The following FUT8 variants were observed in gnomAD, a reference collection of about 807,000 sequenced individuals.
The protein encoded by FUT8 is fucosyltransferase 8.
Under a neutral mutation model 71.3 loss-of-function variants are expected in FUT8, and 29 were observed. That is an observed-to-expected ratio of 0.41 (90% confidence interval 0.30 to 0.55). The LOEUF (loss-of-function observed/expected upper bound fraction) is 0.55, where lower values mean the gene tolerates loss of function less well. Among genes scored for constraint, FUT8 ranks in the 20% least tolerant of loss-of-function variants. The pLI is 0.34. For missense variants in FUT8, 544 were observed against 702.1 expected, an observed-to-expected ratio of 0.77 and a Z score of 2.55; for synonymous variants, 254 against 239.3, an observed-to-expected ratio of 1.06 and a Z score of -0.57.
At chr14:65,605,929 T>A (rs772184725) in intron 3 of FUT8, among the ~76,000 whole-genome samples, 4 of 151,926 alleles carry the variant, frequency 2.6e-5, no homozygotes, top group Non-Finnish European at 4.4e-5. Context: ...TACATTTTTC[T>A]ATTACATTGC....
intron 3 of FUT8, among the ~76,000 whole-genome samples, chr14:65,576,761 C>T (rs1051691541): frequency 8.0e-6 from 1 of 125,374 alleles, no homozygotes; most frequent in African/African-American, 3.3e-5. Context: ...GCTTTTGTCG[C>T]CAGGATGGAG....
intron 7 of FUT8, among the ~76,000 whole-genome samples, chr14:65,678,581 T>C (rs906420860): frequency 2.6e-5 from 4 of 152,298 alleles, no homozygotes; most frequent in African/African-American, 9.6e-5. Context: ...AGGGGGGTAC[T>C]AGGAATAAAC....
intron 6 of FUT8, among the ~76,000 whole-genome samples, chr14:65,654,588 C>T (rs909418653): frequency 2.2e-4 from 7 of 31,978 alleles, no homozygotes; most frequent in African/African-American, 7.0e-4. Context: ...AAGATTCTGT[C>T]TCCAAAAAAA....
chr14:65,487,445 C>G (rs898123618), intron 2 of FUT8, among the ~76,000 whole-genome samples: 4 of 151,708 alleles, frequency 2.6e-5, no homozygotes, highest in African/African-American at 9.7e-5. Flanking sequence ...TGCCTGTAAT[C>G]CAAGCTACTC....
rs982320917 is a variant in FUT8, at chr14:65,550,079, A to G, written c.-227-11258A>G. The stretch of plus-strand genomic sequence containing the variant: ...CTGTCTAAAAACAAAACAAAACAAA[A>G]CAAAAAAGTTTACTTGGTTCCCAGC... On this transcript the variant is annotated intron_variant, in intron 2 of 10. Coordinates refer to ENST00000673929, the MANE Select transcript of FUT8 (RefSeq NM_001371533.1). This position sits in a 1 kb window ranked among gnomAD's most constrained non-coding sequence, Gnocchi z 4.5. Among the ~76,000 whole-genome samples the G allele has an allele frequency of 6.6e-6, 1 of 152,000 alleles. No homozygotes were observed. The highest frequency in any genetic ancestry group is 1.5e-5 in the Non-Finnish European group (1 of 67,992).
chr14:65,689,345 G>A (rs1212153189), intron 7 of FUT8, among the ~76,000 whole-genome samples: 8 of 151,984 alleles, frequency 5.3e-5, no homozygotes, highest in Admixed American at 4.6e-4. Context: ...TTTTATAATT[G>A]GGTTGTTAGC....
intron 2 of FUT8, among the ~76,000 whole-genome samples, chr14:65,463,896 T>C (rs536083395): frequency 4.1e-4 from 62 of 152,358 alleles, no homozygotes; most frequent in African/African-American, 1.4e-3. Flanking sequence ...TTCACTTTTA[T>C]GGTGTATAGT....
intron 2 of FUT8, among the ~76,000 whole-genome samples, chr14:65,519,968 C>T (rs972607887): frequency 2.0e-5 from 3 of 151,812 alleles, no homozygotes; most frequent in Non-Finnish European, 2.9e-5. Flanking sequence ...TTGTAGAGGC[C>T]GGGTTTTGCC....
At chr14:65,429,244 A>C (rs2065432799) in intron 1 of FUT8, among the ~76,000 whole-genome samples, 1 of 152,206 alleles carries the variant, frequency 6.6e-6, no homozygotes, top group Non-Finnish European at 1.5e-5. Flanking sequence ...AGAAACCTTC[A>C]GGGCTTGTTA....
intron 6 of FUT8, among the ~76,000 whole-genome samples, chr14:65,639,501 C>G (rs1419725898): frequency 8.9e-6 from 1 of 112,456 alleles, no homozygotes; most frequent in Non-Finnish European, 1.9e-5. Flanking sequence ...GTATTGTCTT[C>G]AAATCCAGAC....
chr14:65,551,829 T>A (rs1022585102), intron 2 of FUT8, among the ~76,000 whole-genome samples: 1 of 152,216 alleles, frequency 6.6e-6, no homozygotes, highest in Non-Finnish European at 1.5e-5. Context: ...GTTATCGTAA[T>A]CATTGTAAAT....
chr14:65,482,649 G>T (rs867520893), intron 2 of FUT8, among the ~76,000 whole-genome samples: 2 of 152,102 alleles, frequency 1.3e-5, no homozygotes, highest in East Asian at 3.9e-4. Flanking sequence ...ATCGGGTCAC[G>T]TTAACCCATA....
intron 1 of FUT8, among the ~76,000 whole-genome samples, chr14:65,424,001 T>C (rs1317131502): frequency 6.6e-6 from 1 of 152,206 alleles, no homozygotes; most frequent in Non-Finnish European, 1.5e-5. Context: ...CAATCTACAG[T>C]ACGTATCAAG....
intron 1 of FUT8, among the ~76,000 whole-genome samples, chr14:65,432,280 G>A (rs1161311552): frequency 2.0e-5 from 3 of 152,044 alleles, no homozygotes; most frequent in African/African-American, 7.3e-5. Flanking sequence ...TATACTGTAA[G>A]TTCCTGAACG....
chr14:65,652,999 G>A lies in FUT8; in HGVS notation c.598-16244G>A, dbSNP rs1307115092. Among the ~76,000 whole-genome samples the A allele has an allele frequency of 6.6e-6, 1 of 152,186 alleles. No homozygotes were observed. The highest frequency in any genetic ancestry group is 1.5e-5 in the Non-Finnish European group (1 of 68,036). On this transcript the variant is annotated intron_variant, in intron 6 of 10. Transcript: ENST00000673929. This position sits in a 1 kb window ranked among gnomAD's most constrained non-coding sequence, Gnocchi z 4.0. ...TTACAAGGTAGCTGAGGGCTCCAAAGGTAGTCACTTCAAGAGGCAGAGATA... is the reference window on the plus strand; with the variant it reads ...TTACAAGGTAGCTGAGGGCTCCAAAAGTAGTCACTTCAAGAGGCAGAGATA...
At chr14:65,702,140 G>T (rs1292920239) in intron 7 of FUT8, among the ~76,000 whole-genome samples, 1 of 152,168 alleles carries the variant, frequency 6.6e-6, no homozygotes, top group Non-Finnish European at 1.5e-5. Context: ...GAGGTTGGGA[G>T]TTCAAGACCA....
chr14:65,580,543 A>G (rs61417186), intron 3 of FUT8, among the ~76,000 whole-genome samples: 2,057 of 152,142 alleles, frequency 0.014, 39 homozygotes, highest in East Asian at 0.093. Flanking sequence ...GCACATACAA[A>G]CACACATGGA....
intron 6 of FUT8, among the ~76,000 whole-genome samples, chr14:65,648,394 T>G (rs1462695816): frequency 6.6e-6 from 1 of 152,248 alleles, no homozygotes; most frequent in Non-Finnish European, 1.5e-5. Context: ...TATGCCTTTG[T>G]CTGCCTCCTG....
At chr14:65,452,313 A>T (rs188518651) in intron 1 of FUT8, among the ~76,000 whole-genome samples, 76 of 152,350 alleles carry the variant, frequency 5.0e-4, no homozygotes, top group African/African-American at 1.7e-3. Flanking sequence ...CTTTCCACCT[A>T]AGACAACTAA....
Sources: gnomAD v4.1 joint callset for allele counts (sites outside exome capture counted in the v4.1 genomes callset) on GRCh38, gnomAD v4.1.1 for gene constraint, Gnocchi (gnomAD v3.1) non-coding constraint, MANE v1.5 for transcripts, NCBI Gene and HGNC (gene_info 2026-07-23, HGNC 2026-07-21) for gene names.